Variants in TEX46 observed in about 807,000 individuals in gnomAD.
TEX46 encodes the protein testis expressed 46, also known as testis-expressed protein 46.
In TEX46, 6 loss-of-function variants were observed where a neutral mutation model predicts 5.3. That is an observed-to-expected ratio of 1.13 (90% CI 0.62 to 2.23). The LOEUF is 2.23. TEX46 is among the 30% of genes most tolerant of loss of function. The pLI, the probability that TEX46 is intolerant of heterozygous loss-of-function variation, is 0.00. For missense variants in TEX46, 131 were observed against 150.9 expected, an observed-to-expected ratio of 0.87 and a Z score of 0.69; for synonymous variants, 41 against 54.6, an observed-to-expected ratio of 0.75 and a Z score of 1.10.
chr1:23,013,737 G>A (rs1031563536), intron 2 of TEX46, 146 bp downstream of exon 2: 1 of 704,438 alleles, frequency 1.4e-6, no homozygotes, highest in Admixed American at 3.0e-5. Flanking sequence ...CACCTAAGAG[G>A]AAGCTGTAGA....
chr1:23,011,811 C>T (rs538271170), intron 2 of TEX46, among the ~76,000 whole-genome samples: 16 of 152,132 alleles, frequency 1.1e-4, no homozygotes, highest in Non-Finnish European at 1.8e-4. Context: ...TGAGATGGCC[C>T]GCTAATCTGC....
intron 2 of TEX46, 50 bp downstream of exon 2, chr1:23,013,833 G>A: frequency 1.3e-6 from 2 of 1,507,168 alleles, no homozygotes; most frequent in East Asian, 4.9e-5. Context: ...TAATCTAGCT[G>A]CAAATATCCC....
At chr1:23,015,640 C>T (rs892669857) in intron 1 of TEX46, 132 bp downstream of exon 1, 2 of 599,866 alleles carry the variant, frequency 3.3e-6, no homozygotes, top group Admixed American at 2.7e-5. Context: ...ATGTTATATA[C>T]ACGCAATATT....
intron 2 of TEX46, among the ~76,000 whole-genome samples, chr1:23,011,485 C>T (rs1641350984): frequency 1.3e-5 from 2 of 150,884 alleles, no homozygotes; most frequent in Non-Finnish European, 3.0e-5. Context: ...CTCCACCTCC[C>T]GGGTTCAAAC....
In TEX46 at chr1:23,015,809, G is replaced by T. The variant is rs958457012; in HGVS notation, c.-36C>A. The T allele has an allele frequency of 1.4e-6, 1 of 697,980 alleles. No individual in the cohort carries two copies. The highest frequency in any genetic ancestry group is 2.6e-6 in the Non-Finnish European group (1 of 382,586). The allele number at this position is 697,980 out of a possible 1,614,324, so 43.2% of individuals were successfully genotyped here. ...CAATAGTCAAATTCATAGAGGCAAA[G>T]AGTAGAATGGTGGCTGCCAGGGTCT... On this transcript the variant is annotated 5_prime_UTR_variant, in exon 1 of 3. Transcript: ENST00000566855.
At chr1:23,011,270 C>T (rs1343423843) in intron 2 of TEX46, 169 bp from the exon 3 acceptor site, 1 of 595,308 alleles carries the variant, frequency 1.7e-6, no homozygotes, top group Non-Finnish European at 3.0e-6. Flanking sequence ...CTTGCTTGAA[C>T]ACCTGCTCTG....
chr1:23,011,062 T>C lies in TEX46; in HGVS notation c.205A>G (p.Met69Val). The change falls in exon 3 of 3, where the codon ATG (methionine) becomes GTG (valine). Residue 69 changes from methionine to valine, a missense_variant. Transcript: ENST00000566855. ...LQRLLFSEMK[M>V]KVLENQMFII... is the part of the protein sequence containing the mutation. The stretch of plus-strand genomic sequence containing the variant: ...AACATCTGATTTTCTAGGACCTTCA[T>C]CTTCATTTCACTGAACAACAGCCGT... 6.5e-7 allele frequency: 1 copy of C among 1,536,046 alleles called. No homozygotes were observed. The highest frequency in any genetic ancestry group is 8.7e-7 in the Non-Finnish European group (1 of 1,146,838).
chr1:23,010,903 A>G lies in TEX46; in HGVS notation c.364T>C (p.Ter122GlnextTer1). Residue 122 changes from the stop codon to glutamine, a stop_lost, in exon 3 of 3, where the codon TAA becomes CAA. Transcript: ENST00000566855. The stretch of plus-strand genomic sequence containing the variant: ...GAGGCCAGCCCGCCTCGGCCTCATT[A>G]GCTGGGGGAACTCGAAGTACAGTCA... ...LSDCTSSSPS[*>Q] 6.6e-7 allele frequency: 1 copy of G among 1,526,274 alleles called. No individual in the cohort carries two copies. The highest frequency in any genetic ancestry group is 8.8e-7 in the Non-Finnish European group (1 of 1,138,474). 94.5% of individuals were successfully genotyped at this position (1,526,274 alleles called of 1,614,324 possible).
At chr1:23,014,327 T>C (rs1207791738) in intron 1 of TEX46, among the ~76,000 whole-genome samples, 1 of 152,126 alleles carries the variant, frequency 6.6e-6, no homozygotes, top group African/African-American at 2.4e-5. Context: ...CATTCACCAG[T>C]ACTTCTGGGC....
chr1:23,011,931 C>T (rs112097189), intron 2 of TEX46, among the ~76,000 whole-genome samples: 26 of 152,296 alleles, frequency 1.7e-4, no homozygotes, highest in African/African-American at 4.3e-4. Flanking sequence ...TCTCAAACTG[C>T]GAAGTCTCAA....
At position 23,015,811 on chromosome 1, in the gene TEX46, G is replaced by A. The variant is rs1225382544; in HGVS notation, c.-38C>T. ...ATAGTCAAATTCATAGAGGCAAAGA[G>A]TAGAATGGTGGCTGCCAGGGTCTGG... On this transcript the variant is annotated 5_prime_UTR_variant, in exon 1 of 3. Coordinates refer to ENST00000566855, the MANE Select transcript of TEX46 (RefSeq NM_001242521.2). 2.4e-5 allele frequency: 17 copies of A among 697,384 alleles called. No homozygotes were observed. Among genetic ancestry groups the A allele is most frequent in the East Asian group, 5.4e-5 (2 of 37,258 alleles). The allele number at this position is 697,384 out of a possible 1,614,324, so 43.2% of individuals were successfully genotyped here. A position where few individuals can be genotyped will look rare whatever the true frequency, so the allele number is the denominator to read the frequency against.
chr1:23,012,889 T>C (rs1226379028), intron 2 of TEX46, among the ~76,000 whole-genome samples: 5 of 68,204 alleles, frequency 7.3e-5, no homozygotes, highest in Non-Finnish European at 1.3e-4. Context: ...TTTTTTTTTT[T>C]GAGACAGAGT....
chr1:23,011,668 G>A (rs1180791276), intron 2 of TEX46, among the ~76,000 whole-genome samples: 1 of 152,140 alleles, frequency 6.6e-6, no homozygotes, highest in East Asian at 1.9e-4. Context: ...CAGGTGATCT[G>A]CCCGCCTTGG....
chr1:23,012,130 G>C (rs548055487), intron 2 of TEX46, among the ~76,000 whole-genome samples: 2 of 152,060 alleles, frequency 1.3e-5, no homozygotes, highest in East Asian at 3.9e-4. Context: ...CAGGAGGATC[G>C]CTTGAGCCCA....
chr1:23,011,158 T>A (rs1569574284), intron 2 of TEX46, 57 bp from the exon 3 acceptor site: 2 of 1,396,766 alleles, frequency 1.4e-6, no homozygotes, highest in Non-Finnish European at 2.0e-6. Flanking sequence ...ACGGCCTTGC[T>A]GTTCTTGGAG....
intron 1 of TEX46, among the ~76,000 whole-genome samples, 161 bp downstream of exon 1, chr1:23,015,611 C>T (rs942798600): frequency 6.6e-6 from 1 of 151,920 alleles, no homozygotes; most frequent in Admixed American, 6.6e-5. Flanking sequence ...TGTCCATCCA[C>T]AGATGAATGG....
chr1:23,014,306 G>A (rs1364970985), intron 1 of TEX46: 1 of 232,000 alleles, frequency 4.3e-6, no homozygotes, highest in Non-Finnish European at 7.1e-6. Flanking sequence ...GGTGATGTAG[G>A]CCTCCTCATT....
rs1016208662 is a variant in TEX46, at chr1:23,011,894, C to CT, written c.166-794dup. ...GAGCCCGTTTTTCCAACATGCCTCTCTGAGCATTTTGTCAGGCTCAGTACG... is the reference window on the plus strand; with the variant it reads ...GAGCCCGTTTTTCCAACATGCCTCTCTTGAGCATTTTGTCAGGCTCAGTACG... On this transcript the variant is annotated intron_variant, in intron 2 of 2. Transcript: ENST00000566855. Among the ~76,000 whole-genome samples the CT allele has an allele frequency of 1.1e-3, 165 of 152,318 alleles. 3 individuals are homozygous for CT. The highest frequency in any genetic ancestry group is 3.1e-4 in the Non-Finnish European group (21 of 68,022).
In TEX46 at chr1:23,010,951, C is replaced by T. The variant is rs1358378485; in HGVS notation, c.316G>A (p.Glu106Lys). The change falls in exon 3 of 3, where the codon GAG (glutamate) becomes AAG (lysine). Residue 106 changes from glutamate (E) to lysine (K), a missense_variant. Physicochemically the swap from Glu to Lys is moderately conservative, Grantham distance 56. Transcript: ENST00000566855. ...PMKKHRMRRH[E>K]SICPTLSDCT... ...TCAGACAGGGTGGGGCAAATTGACT[C>T]ATGCCTCCTCATTCTGTGTTTTTTC... is the stretch of plus-strand genomic sequence containing the variant. The T allele has an allele frequency of 1.3e-6, 2 of 1,535,140 alleles. No homozygotes were observed. Among genetic ancestry groups the T allele is most frequent in the Admixed American group, 3.9e-5 (2 of 50,986 alleles).
Sources: allele counts gnomAD v4.1 joint callset (sites outside exome capture counted in the v4.1 genomes callset), GRCh38; gene constraint gnomAD v4.1.1; transcripts MANE v1.5; gene names NCBI Gene and HGNC (gene_info 2026-07-23, HGNC 2026-07-21).